The following SMARCA5 variants were observed in gnomAD, a reference collection of about 807,000 sequenced individuals.
The protein encoded by SMARCA5 is SWI/SNF-related matrix-associated actin-dependent regulator of chromatin subfamily A member 5.
Under a neutral mutation model 140.4 loss-of-function variants are expected in SMARCA5, and 18 were observed. The ratio of observed to expected loss-of-function variants is 0.13; its 90% CI spans 0.09 to 0.19. The LOEUF is 0.19. Ranked by LOEUF, SMARCA5 falls within the 10% of genes least tolerant of loss-of-function variation. SMARCA5 has a pLI of 1.00. For synonymous variants in SMARCA5, 449 were observed against 419.6 expected (o/e 1.07, Z -0.86); for missense variants, 606 against 1,276.8 (o/e 0.47, Z 8.01).
Position 143,514,107 on chromosome 4 carries a change from G to A in SMARCA5, c.177+6G>A, listed in dbSNP as rs1476147766. ...CCGCAGACGCCGAGATGGAGGTGAG[G>A]GCGACTTGCGGCATGGGGAGCGGGT... On this transcript the variant is annotated splice_donor_region_variant and intron_variant, in intron 1 of 23. Coordinates refer to ENST00000283131, the MANE Select transcript of SMARCA5 (RefSeq NM_003601.4). 4 of 1,528,340 alleles carry A rather than the reference G, an allele frequency of 2.6e-6. No individual in the cohort carries two copies. The highest frequency in any genetic ancestry group is 2.6e-6 in the Non-Finnish European group (3 of 1,144,754). 94.7% of individuals were successfully genotyped at this position (1,528,340 alleles called of 1,614,324 possible). A position where few individuals can be genotyped will look rare whatever the true frequency, so the allele number is the denominator to read the frequency against.
Position 143,553,430 on chromosome 4 carries a change from G to T in SMARCA5, c.*246G>T, listed in dbSNP as rs1011844023. Reference sequence around the variant, plus strand: ...TCATTTATTACTAAGTGTTTCATTTGATTTATTTTTCTATTGTAGTTCCAT... The same window carrying T: ...TCATTTATTACTAAGTGTTTCATTTTATTTATTTTTCTATTGTAGTTCCAT... On this transcript the variant is annotated 3_prime_UTR_variant, in exon 24 of 24. Coordinates refer to ENST00000283131, the MANE Select transcript of SMARCA5 (RefSeq NM_003601.4). The T allele has an allele frequency of 5.5e-6, 2 of 360,456 alleles. No individual in the cohort carries two copies. Among genetic ancestry groups the T allele is most frequent in the Non-Finnish European group, 1.0e-5 (2 of 198,964 alleles). The allele number at this position is 360,456 out of a possible 1,614,324, so 22.3% of individuals were successfully genotyped here. A position where few individuals can be genotyped will look rare whatever the true frequency, so the allele number is the denominator to read the frequency against.
chr4:143,544,185 G>A (rs1458802148), intron 16 of SMARCA5: 2 of 326,658 alleles, frequency 6.1e-6, no homozygotes, highest in Non-Finnish European at 1.1e-5. Flanking sequence ...AATGAAGTTT[G>A]TGGTATATGT....
intron 23 of SMARCA5, 96 bp downstream of exon 23, chr4:143,550,200 G>A: frequency 1.9e-6 from 1 of 519,318 alleles, no homozygotes; most frequent in Admixed American, 4.4e-5. Context: ...GTTAGTCCCT[G>A]TTGTGCACCC....
Position 143,557,148 on chromosome 4 carries a change from G to C in SMARCA5, c.*3964G>C, listed in dbSNP as rs1453365400. 1 of 152,122 alleles carries C rather than the reference G, an allele frequency of 6.6e-6. No individual in the cohort carries two copies. Among genetic ancestry groups the C allele is most frequent in the African/African-American group, 2.4e-5 (1 of 41,404 alleles). The allele number at this position is 152,122 out of a possible 1,614,324, so 9.4% of individuals were successfully genotyped here. On this transcript the variant is annotated 3_prime_UTR_variant, in exon 24 of 24. Coordinates refer to ENST00000283131, the MANE Select transcript of SMARCA5 (RefSeq NM_003601.4). ...GGCTATGAGAAGATTGAGGATCTAGGTACTTGCCTTTAACTCTACAGCATA... is the reference window on the plus strand; with the variant it reads ...GGCTATGAGAAGATTGAGGATCTAGCTACTTGCCTTTAACTCTACAGCATA...
intron 14 of SMARCA5, among the ~76,000 whole-genome samples, chr4:143,541,177 A>G (rs1374139570): frequency 2.0e-5 from 3 of 152,300 alleles, no homozygotes; most frequent in East Asian, 1.9e-4. Context: ...GACATAATTT[A>G]TGTTTTCATG....
intron 1 of SMARCA5, among the ~76,000 whole-genome samples, chr4:143,516,822 G>T (rs926003016): frequency 6.6e-6 from 1 of 152,078 alleles, no homozygotes; most frequent in Admixed American, 6.5e-5. Context: ...ATATTTGCAA[G>T]AATAACATTT....
chr4:143,540,996 G>T (rs1204294809), intron 14 of SMARCA5, among the ~76,000 whole-genome samples: 1 of 152,214 alleles, frequency 6.6e-6, no homozygotes, highest in African/African-American at 2.4e-5. Context: ...TGAGAATTCA[G>T]TGGTAAATGG....
chr4:143,546,984 T>C (rs1404935329), intron 20 of SMARCA5, 76 bp downstream of exon 20: 1 of 1,398,062 alleles, frequency 7.2e-7, no homozygotes, highest in Non-Finnish European at 9.8e-7. Flanking sequence ...CTGAATTATG[T>C]TGTGATTAGC....
intron 19 of SMARCA5, among the ~76,000 whole-genome samples, chr4:143,546,430 T>G (rs930239943): frequency 6.6e-6 from 1 of 152,160 alleles, no homozygotes; most frequent in Admixed American, 6.5e-5. Context: ...GACTTACCTT[T>G]AAAGCTTCAT....
At chr4:143,521,344 A>C in intron 2 of SMARCA5, 85 bp from the exon 3 acceptor site, 1 of 837,556 alleles carries the variant, frequency 1.2e-6, no homozygotes. Context: ...TGCTGAGTTC[A>C]TTGTATGGAG....
chr4:143,524,811 ATTAAT>A (rs1414611749), intron 4 of SMARCA5, among the ~76,000 whole-genome samples: 1 of 152,190 alleles, frequency 6.6e-6, no homozygotes. Context: ...ATGTTTTTAT[ATTAAT>A]TTAATTTTTT....
At chr4:143,536,028 T>G (rs1350596576) in intron 10 of SMARCA5, among the ~76,000 whole-genome samples, 1 of 152,146 alleles carries the variant, frequency 6.6e-6, no homozygotes, top group Non-Finnish European at 1.5e-5. Context: ...GATGTTAGGG[T>G]TCTTACCTAA....
Position 143,543,921 on chromosome 4 carries a change from A to G in SMARCA5, c.2121A>G (p.Thr707=). The change falls in exon 16 of 24, where the codon ACA becomes ACG. Residue 707 remains threonine, a synonymous_variant. Coordinates refer to ENST00000283131, the MANE Select transcript of SMARCA5 (RefSeq NM_003601.4). The stretch of plus-strand genomic sequence containing the variant: ...CACTTAGAAACTTTACAATGGATAC[A>G]GAGTCAAGTGTTTATAACTTCGAAG... The part of the protein sequence containing the change: ...ESSLRNFTMD[T]ESSVYNFEGE... 5 of 1,608,200 alleles carry G rather than the reference A, an allele frequency of 3.1e-6. No individual in the cohort carries two copies. Among genetic ancestry groups the G allele is most frequent in the Non-Finnish European group, 4.2e-6 (5 of 1,176,864 alleles).
intron 9 of SMARCA5, among the ~76,000 whole-genome samples, chr4:143,534,635 G>A (rs1737267257): frequency 6.6e-6 from 1 of 152,110 alleles, no homozygotes. Flanking sequence ...TAATGGACTC[G>A]AGCATTTGTG....
In SMARCA5 at chr4:143,538,598, G is replaced by A. The variant is rs764211595; in HGVS notation, c.1504G>A (p.Val502Ile). ...GTTATATTCCCCAACAGGTTCACGA[G>A]TACTAATCTTCAGTCAAATGACAAG... ...LPKLKEQGSR[V>I]LIFSQMTRVL... Residue 502 changes from valine to isoleucine, a missense_variant, in exon 12 of 24, where the codon GTA becomes ATA. Val to Ile is a conservative substitution (Grantham distance 29). Transcript: ENST00000283131. 5.6e-6 allele frequency: 9 copies of A among 1,612,642 alleles called. No homozygotes were observed. Among genetic ancestry groups the A allele is most frequent in the East Asian group, 2.2e-5 (1 of 44,864 alleles).
rs1002826249 is a variant in SMARCA5, at chr4:143,555,346, A to C, written c.*2162A>C. On this transcript the variant is annotated 3_prime_UTR_variant, in exon 24 of 24. Transcript: ENST00000283131. ...AATCATTACCAAATCTATTATAGCA[A>C]TCCCCACTGCCACCATATCCATCAC... The C allele has an allele frequency of 2.8e-6, 2 of 722,142 alleles. No individual in the cohort carries two copies. Among genetic ancestry groups the C allele is most frequent in the Non-Finnish European group, 5.1e-6 (2 of 391,918 alleles). The allele number at this position is 722,142 out of a possible 1,614,324, so 44.7% of individuals were successfully genotyped here.
intron 9 of SMARCA5, among the ~76,000 whole-genome samples, chr4:143,532,398 C>G (rs1352108716): frequency 3.3e-5 from 5 of 151,996 alleles, no homozygotes; most frequent in Admixed American, 2.6e-4. Context: ...GTAGGTACAT[C>G]TAGGTAAAGC....
At chr4:143,522,456 AAAG>A (rs1310464865) in intron 3 of SMARCA5, among the ~76,000 whole-genome samples, 2 of 152,328 alleles carry the variant, frequency 1.3e-5, no homozygotes, top group East Asian at 3.9e-4. Context: ...AGATTGTTTA[AAAG>A]AAGAAGTATC....
chr4:143,524,514 C>A, intron 4 of SMARCA5, 47 bp downstream of exon 4: 1 of 1,236,190 alleles, frequency 8.1e-7, no homozygotes, highest in Non-Finnish European at 1.2e-6. Context: ...CCTTTGAGAT[C>A]TCCTTTGGTT....
Sources: gnomAD v4.1 joint callset for allele counts (sites outside exome capture counted in the v4.1 genomes callset) on GRCh38, gnomAD v4.1.1 for gene constraint, MANE v1.5 for transcripts, NCBI Gene and HGNC (gene_info 2026-07-23, HGNC 2026-07-21) for gene names.